Variants in LZTS1 observed in about 807,000 individuals in gnomAD.
The protein encoded by LZTS1 is leucine zipper tumor suppressor 1.
LZTS1 carries 31 observed loss-of-function variants against 45.8 expected under a neutral mutation model. The observed-to-expected ratio is 0.68, with a 90% CI of 0.51 to 0.91. LZTS1 has a LOEUF of 0.91. Among genes scored for constraint, LZTS1 ranks in the 40% least tolerant of loss-of-function variants. The pLI, the probability that LZTS1 is intolerant of heterozygous loss-of-function variation, is 0.00. For synonymous variants in LZTS1, 359 were observed against 357.3 expected (o/e 1.00, Z -0.05); for missense variants, 821 against 788.9 (o/e 1.04, Z -0.49).
At chr8:20,284,720 A>G (rs961736359) in intron 1 of LZTS1, among the ~76,000 whole-genome samples, 19 of 151,964 alleles carry the variant, frequency 1.3e-4, no homozygotes, top group African/African-American at 4.6e-4. Context: ...GCATCATCTC[A>G]TGCCTAGCAT....
At position 20,253,726 on chromosome 8, in the gene LZTS1, C is replaced by T. The variant is rs542584030; in HGVS notation, c.346-141G>A. ...CACCCCTCTTGGTCAATTGTCTCAG[C>T]AGACCTTGCCTGTTGCTTTGAAGCA... is the stretch of plus-strand genomic sequence containing the variant. On this transcript the variant is annotated intron_variant, in intron 2 of 3. Coordinates refer to ENST00000381569, the MANE Select transcript of LZTS1 (RefSeq NM_021020.5). The T allele has an allele frequency of 2.4e-4, 142 of 587,326 alleles. 1 individual carries two copies. The highest frequency in any genetic ancestry group is 2.4e-3 in the African/African-American group (132 of 54,640). The allele number at this position is 587,326 out of a possible 1,614,324, so 36.4% of individuals were successfully genotyped here.
At chr8:20,269,388 G>C (rs565908648) in intron 1 of LZTS1, among the ~76,000 whole-genome samples, 1 of 152,288 alleles carries the variant, frequency 6.6e-6, no homozygotes, top group East Asian at 1.9e-4. Flanking sequence ...GGAGCAGATG[G>C]GACTCTGGAG....
At chr8:20,268,962 C>T (rs1194192550) in intron 1 of LZTS1, among the ~76,000 whole-genome samples, 5 of 152,128 alleles carry the variant, frequency 3.3e-5, no homozygotes, top group Non-Finnish European at 5.9e-5. Context: ...CTTTTGTGCA[C>T]AGGTCGTCAG....
chr8:20,282,650 G>T (rs1373954016), intron 1 of LZTS1, among the ~76,000 whole-genome samples: 1 of 152,200 alleles, frequency 6.6e-6, no homozygotes, highest in African/African-American at 2.4e-5. Context: ...GTAAGGGGCT[G>T]TCCTGTGTGT....
intron 1 of LZTS1, among the ~76,000 whole-genome samples, chr8:20,284,287 G>A (rs532704902): frequency 9.8e-5 from 15 of 152,294 alleles, no homozygotes; most frequent in African/African-American, 3.4e-4. Flanking sequence ...CACCGGCCAT[G>A]CCAGGGCCAT....
chr8:20,289,672 G>A (rs1229907144), intron 1 of LZTS1: 1 of 152,188 alleles, frequency 6.6e-6, no homozygotes, highest in African/African-American at 2.4e-5. Context: ...CCTGGGTGGA[G>A]GCTTATTAAG....
At chr8:20,289,152 C>A (rs1271473080) in intron 1 of LZTS1, 1 of 151,980 alleles carries the variant, frequency 6.6e-6, no homozygotes, top group Non-Finnish European at 1.5e-5. Flanking sequence ...CCATTTCGGG[C>A]CTTTAGAGAT....
intron 1 of LZTS1, among the ~76,000 whole-genome samples, chr8:20,292,535 G>A (rs1276002388): frequency 2.0e-5 from 3 of 152,240 alleles, no homozygotes; most frequent in Non-Finnish European, 4.4e-5. Context: ...CAGAGGAACA[G>A]ACGGAAATAA....
At chr8:20,279,978 A>C (rs1247143097) in intron 1 of LZTS1, among the ~76,000 whole-genome samples, 1 of 151,902 alleles carries the variant, frequency 6.6e-6, no homozygotes, top group Non-Finnish European at 1.5e-5. Context: ...TCAAAAAAAA[A>C]AAAAAAAAAT....
intron 1 of LZTS1, among the ~76,000 whole-genome samples, chr8:20,298,403 C>G (rs150024720): frequency 1.3e-5 from 2 of 152,134 alleles, no homozygotes; most frequent in Non-Finnish European, 2.9e-5. Context: ...CCTCATCTGC[C>G]AAATGGCAAA....
In LZTS1 at chr8:20,249,605, CTG is replaced by C; in HGVS notation, c.*115_*116del. ...TGCCCTCCCCTCGGGGGTCCTGGGT[CTG>C]TGTCCCAGGGAGTGGCGTCTCTCAG... On this transcript the variant is annotated 3_prime_UTR_variant, in exon 4 of 4. Transcript: ENST00000381569. 1 of 1,314,932 alleles carries C rather than the reference CTG, an allele frequency of 7.6e-7. No homozygotes were observed. The highest frequency in any genetic ancestry group is 1.0e-6 in the Non-Finnish European group (1 of 972,060). The allele number at this position is 1,314,932 out of a possible 1,614,324, so 81.5% of individuals were successfully genotyped here.
chr8:20,286,510 C>A (rs895609933), intron 1 of LZTS1, among the ~76,000 whole-genome samples: 1 of 152,202 alleles, frequency 6.6e-6, no homozygotes, highest in African/African-American at 2.4e-5. Flanking sequence ...ATACCAAGTG[C>A]TGGTGAGGAT....
At position 20,301,515 on chromosome 8, in the gene LZTS1, C is replaced by G. The variant is rs560673398; in HGVS notation, c.-135+2225G>C. Reference sequence around the variant, plus strand: ...TCATTACATTATTCATCTTCCTAGCCTCGCTGCACAGCTCAGAGCCTTGCA... The same window carrying G: ...TCATTACATTATTCATCTTCCTAGCGTCGCTGCACAGCTCAGAGCCTTGCA... On this transcript the variant is annotated intron_variant, in intron 1 of 3. Transcript: ENST00000381569. Among the ~76,000 whole-genome samples the G allele has an allele frequency of 9.9e-5, 15 of 152,258 alleles. No individual in the cohort carries two copies. In the South Asian group the frequency reaches 3.1e-3, roughly 32 times the overall value.
intron 1 of LZTS1, among the ~76,000 whole-genome samples, chr8:20,262,094 C>A (rs1198473508): frequency 2.6e-5 from 4 of 152,148 alleles, no homozygotes; most frequent in Non-Finnish European, 5.9e-5. Flanking sequence ...CCCTCTTTAC[C>A]CCATCCATTC....
At chr8:20,255,730 T>A (rs1563861423) in intron 1 of LZTS1, among the ~76,000 whole-genome samples, 1 of 152,054 alleles carries the variant, frequency 6.6e-6, no homozygotes, top group Non-Finnish European at 1.5e-5. Flanking sequence ...GTGGCTGTTT[T>A]ATGCAGGAAG....
At chr8:20,284,103 T>G (rs1800745093) in intron 1 of LZTS1, among the ~76,000 whole-genome samples, 1 of 152,190 alleles carries the variant, frequency 6.6e-6, no homozygotes, top group Non-Finnish European at 1.5e-5. Context: ...TTGTGTGGTC[T>G]TGAGTGAGTC....
intron 1 of LZTS1, among the ~76,000 whole-genome samples, chr8:20,269,515 A>G (rs944872031): frequency 3.9e-5 from 6 of 152,242 alleles, no homozygotes; most frequent in African/African-American, 1.4e-4. Context: ...AGTCTGAGTG[A>G]TGAACCGACA....
intron 1 of LZTS1, among the ~76,000 whole-genome samples, chr8:20,266,457 G>A (rs969093014): frequency 1.3e-5 from 2 of 152,178 alleles, no homozygotes; most frequent in African/African-American, 2.4e-5. Flanking sequence ...TGCAGATACC[G>A]AAGCCAAGTC....
At chr8:20,284,986 C>G (rs574383127) in intron 1 of LZTS1, among the ~76,000 whole-genome samples, 4 of 152,262 alleles carry the variant, frequency 2.6e-5, no homozygotes, top group South Asian at 2.1e-4. Flanking sequence ...AGAACTCGGC[C>G]GAGCCTCTTT....
Sources: gnomAD v4.1 joint callset for allele counts (sites outside exome capture counted in the v4.1 genomes callset) on GRCh38, gnomAD v4.1.1 for gene constraint, MANE v1.5 for transcripts, NCBI Gene and HGNC (gene_info 2026-07-23, HGNC 2026-07-21) for gene names.